GOLGA2: variants seen among roughly 807,000 people sequenced by gnomAD.
GOLGA2 encodes golgin A2, also known as golgin subfamily A member 2.
In GOLGA2, 49 loss-of-function variants were observed where a neutral mutation model predicts 148.8. That is an observed-to-expected ratio of 0.33 (90% CI 0.26 to 0.42). The LOEUF is 0.42. GOLGA2 is among the 10% of genes least tolerant of loss of function. The probability of loss-of-function intolerance (pLI) is 1.00; values close to 1 mark genes in which losing one functional copy is unlikely to be tolerated. For missense variants in GOLGA2, 1,178 were observed against 1,304.6 expected, an observed-to-expected ratio of 0.90 and a Z score of 1.49; for synonymous variants, 501 against 511.8, an observed-to-expected ratio of 0.98 and a Z score of 0.28.
Position 128,257,994 on chromosome 9 carries a change from T to G in GOLGA2, c.2494A>C (p.Met832Leu). 1 of 1,486,526 alleles carries G rather than the reference T, an allele frequency of 6.7e-7. No homozygotes were observed. The highest frequency in any genetic ancestry group is 9.2e-7 in the Non-Finnish European group (1 of 1,088,670). 92.1% of individuals were successfully genotyped at this position (1,486,526 alleles called of 1,614,324 possible). ...GACTCATTCACCTGCAGCTTCTCCA[T>G]GGCCCCCTGCAGGGCCCGGTGGGTC... ...GETHRALQGA[M>L]EKLQSRFMEL... Residue 832 changes from methionine (M) to leucine (L), a missense_variant, in exon 23 of 27, where the codon ATG becomes CTG. By Grantham distance (15) the Met-to-Leu change is conservative. Around this residue, in one of 5 missense-constraint regions of GOLGA2, gnomAD observed 529 missense variants for 521.8 expected, o/e 1.01. Coordinates refer to ENST00000611957, the MANE Select transcript of GOLGA2 (RefSeq NM_001366244.2). The surrounding 1 kb of genome is among the most constrained non-coding windows in gnomAD (Gnocchi z 8.0).
chr9:128,274,008 T>C, intron 1 of GOLGA2, 36 bp from the exon 2 acceptor site: 1 of 1,599,276 alleles, frequency 6.3e-7, no homozygotes, highest in Non-Finnish European at 8.6e-7. Context: ...TCATGAGATC[T>C]ACAAGCCCCC....
rs552775455 is a variant in GOLGA2 at position 128,260,445 on chromosome 9, C to T, written c.1758+20G>A. On this transcript the variant is annotated intron_variant, in intron 18 of 26. Coordinates refer to ENST00000611957, the MANE Select transcript of GOLGA2 (RefSeq NM_001366244.2). This position sits in a 1 kb window ranked among gnomAD's most constrained non-coding sequence, Gnocchi z 4.8. ...GGAGGGCTAGGGAGGAGGGCGGGCT[C>T]TCCAGGTGGGGCAGCGCACCAGCTT... is the stretch of plus-strand genomic sequence containing the variant. 5.5e-5 allele frequency: 88 copies of T among 1,591,686 alleles called. No homozygotes were observed. In the Admixed American group the frequency reaches 1.4e-3, roughly 25 times the overall value.
intron 3 of GOLGA2, 47 bp from the exon 4 acceptor site, chr9:128,268,571 G>A (rs1157925789): frequency 2.0e-5 from 20 of 985,256 alleles, no homozygotes; most frequent in Non-Finnish European, 3.2e-5. Context: ...CGGGAGAGGT[G>A]CCTCAGTACT....
intron 3 of GOLGA2, among the ~76,000 whole-genome samples, chr9:128,270,825 C>A (rs1830895169): frequency 6.6e-6 from 1 of 152,116 alleles, no homozygotes; most frequent in Non-Finnish European, 1.5e-5. Context: ...GCAGGTGAAT[C>A]ACTTGAGGCC....
At position 128,257,279 on chromosome 9, in the gene GOLGA2, G is replaced by T; in HGVS notation, c.2878C>A (p.Leu960Ile). ...ELGAANQQGD[L>I]CEVSLAGSVE... ...CTGCCGGCGAGGCTCACCTCGCAAA[G>T]ATCTTTGGAGAGAGAGAGGCAGGGC... Residue 960 changes from leucine (L) to isoleucine (I), a missense_variant and splice_region_variant, in exon 27 of 27, where the codon CTT (leucine) becomes ATT (isoleucine). Leu to Ile is a conservative substitution (Grantham distance 5). Around this residue, in one of 5 missense-constraint regions of GOLGA2, gnomAD observed 149 missense variants for 154.9 expected, o/e 0.96. Coordinates refer to ENST00000611957, the MANE Select transcript of GOLGA2 (RefSeq NM_001366244.2). The surrounding 1 kb of genome is among the most constrained non-coding windows in gnomAD (Gnocchi z 8.0). The T allele has an allele frequency of 1.2e-6, 2 of 1,612,824 alleles. No homozygotes were observed. Among genetic ancestry groups the T allele is most frequent in the Non-Finnish European group, 1.7e-6 (2 of 1,179,710 alleles).
At position 128,257,451 on chromosome 9, in the gene GOLGA2, C is replaced by T; in HGVS notation, c.2793G>A (p.Leu931=). 6.2e-7 allele frequency: 1 copy of T among 1,613,070 alleles called. No individual in the cohort carries two copies. The highest frequency in any genetic ancestry group is 8.5e-7 in the Non-Finnish European group (1 of 1,180,004). The change falls in exon 26 of 27, where the codon CTG becomes CTA. Residue 931 remains leucine, a synonymous_variant. Transcript: ENST00000611957. This position sits in a 1 kb window ranked among gnomAD's most constrained non-coding sequence, Gnocchi z 8.0. ...CATCAGCAGGGTTCTGGGCAGCTGC[C>T]AGGAATCTGCCATGCCACTCGTTGC... ...GDRNEWHGRF[L]AAAQNPADEP...
chr9:128,269,012 C>T (rs949569865), intron 3 of GOLGA2, among the ~76,000 whole-genome samples: 9 of 152,186 alleles, frequency 5.9e-5, no homozygotes, highest in Non-Finnish European at 1.2e-4. Context: ...TCCCTTCTCC[C>T]CTGCAGTGGC....
In GOLGA2 at chr9:128,261,444, C is replaced by T. The variant is rs1401624431; in HGVS notation, c.1332+10G>A. The T allele has an allele frequency of 6.7e-7, 1 of 1,498,744 alleles. No homozygotes were observed. Among genetic ancestry groups the T allele is most frequent in the Non-Finnish European group, 9.3e-7 (1 of 1,074,554 alleles). 92.8% of individuals were successfully genotyped at this position (1,498,744 alleles called of 1,614,324 possible). A position where few individuals can be genotyped will look rare whatever the true frequency, so the allele number is the denominator to read the frequency against. On this transcript the variant is annotated intron_variant, in intron 16 of 26. Coordinates refer to ENST00000611957, the MANE Select transcript of GOLGA2 (RefSeq NM_001366244.2). This position sits in a 1 kb window ranked among gnomAD's most constrained non-coding sequence, Gnocchi z 5.7. ...TAAGGTTGAGGGGGAGCTGAAGGGT[C>T]AGGTCTCACCTGCTCTGACATCTGC... is the stretch of plus-strand genomic sequence containing the variant.
chr9:128,275,367 T>C (rs1056871308), intron 1 of GOLGA2: 1 of 1,271,810 alleles, frequency 7.9e-7, no homozygotes, highest in Non-Finnish European at 1.0e-6. Context: ...ATTCCACTCC[T>C]AGGGGGAACA....
In GOLGA2 at chr9:128,256,030, C is replaced by T. The variant is rs1829839021; in HGVS notation, c.*1037G>A. Reference sequence around the variant, plus strand: ...AGGTATGATACAGGGGGCGGCCCTACCCCTGGAATATACAAAATGTTACAC... The same window carrying T: ...AGGTATGATACAGGGGGCGGCCCTATCCCTGGAATATACAAAATGTTACAC... On this transcript the variant is annotated 3_prime_UTR_variant, in exon 27 of 27. Coordinates refer to ENST00000611957, the MANE Select transcript of GOLGA2 (RefSeq NM_001366244.2). 6.6e-6 allele frequency: 1 copy of T among 152,596 alleles called. No homozygotes were observed. Among genetic ancestry groups the T allele is most frequent in the Non-Finnish European group, 1.5e-5 (1 of 68,046 alleles). The allele number at this position is 152,596 out of a possible 1,614,324, so 9.5% of individuals were successfully genotyped here.
chr9:128,270,834 C>G (rs1830895976), intron 3 of GOLGA2, among the ~76,000 whole-genome samples: 1 of 152,006 alleles, frequency 6.6e-6, no homozygotes, highest in Admixed American at 6.6e-5. Context: ...TCACTTGAGG[C>G]CAGGAGTTCG....
chr9:128,270,996 C>T (rs1830909041), intron 3 of GOLGA2, among the ~76,000 whole-genome samples: 1 of 152,056 alleles, frequency 6.6e-6, no homozygotes, highest in African/African-American at 2.4e-5. Flanking sequence ...TTGCAGTGAG[C>T]CAAGATCACA....
In GOLGA2 at chr9:128,262,661, C is replaced by T; in HGVS notation, c.1036G>A (p.Glu346Lys). The T allele has an allele frequency of 6.2e-7, 1 of 1,613,762 alleles. No homozygotes were observed. Among genetic ancestry groups the T allele is most frequent in the Non-Finnish European group, 8.5e-7 (1 of 1,179,670 alleles). ...TCAGTCACTAGGACCCGAAGCTTCT[C>T]TTCCAATTCTGATTTCTCTTGCTTC... ...DLKQEKSELE[E>K]KLRVLVTEKA... Residue 346 changes from glutamate to lysine, a missense_variant, in exon 14 of 27, where the codon GAG (glutamate) becomes AAG (lysine). Around this residue, in one of 5 missense-constraint regions of GOLGA2, gnomAD observed 304 missense variants for 404.1 expected, o/e 0.75. Coordinates refer to ENST00000611957, the MANE Select transcript of GOLGA2 (RefSeq NM_001366244.2).
Position 128,258,394 on chromosome 9 carries a change from G to C in GOLGA2, c.2289+61C>G. ...AAGGCCGGGAAACCAAGAGCAGAAG[G>C]GGGTCTGGGAGGGACCACAGAGGGA... On this transcript the variant is annotated intron_variant, in intron 22 of 26. Coordinates refer to ENST00000611957, the MANE Select transcript of GOLGA2 (RefSeq NM_001366244.2). This position sits in a 1 kb window ranked among gnomAD's most constrained non-coding sequence, Gnocchi z 6.6. The C allele has an allele frequency of 1.4e-6, 2 of 1,430,480 alleles. No individual in the cohort carries two copies. The highest frequency in any genetic ancestry group is 1.7e-5 in the Admixed American group (1 of 59,196). 88.6% of individuals were successfully genotyped at this position (1,430,480 alleles called of 1,614,324 possible).
At chr9:128,264,192 A>G (rs547315090) in intron 12 of GOLGA2, among the ~76,000 whole-genome samples, 1 of 151,418 alleles carries the variant, frequency 6.6e-6, no homozygotes, top group African/African-American at 2.4e-5. Context: ...TAAGGGTGGA[A>G]GGAACAGGGA....
Position 128,256,389 on chromosome 9 carries a change from G to T in GOLGA2, c.*678C>A. On this transcript the variant is annotated 3_prime_UTR_variant, in exon 27 of 27. Coordinates refer to ENST00000611957, the MANE Select transcript of GOLGA2 (RefSeq NM_001366244.2). ...TACTGTAAGAGTAAAGGGATGACTG[G>T]GAAGGGGTGGCAGGCACATGATGGG... The T allele has an allele frequency of 6.6e-6, 1 of 152,464 alleles. No homozygotes were observed. Among genetic ancestry groups the T allele is most frequent in the Non-Finnish European group, 1.5e-5 (1 of 68,160 alleles). 9.4% of individuals were successfully genotyped at this position (152,464 alleles called of 1,614,324 possible).
intron 1 of GOLGA2, among the ~76,000 whole-genome samples, chr9:128,274,335 G>A (rs1000329079): frequency 2.6e-5 from 4 of 152,060 alleles, no homozygotes; most frequent in South Asian, 2.1e-4. Context: ...CACTAATTAC[G>A]GTTCCGAGGG....
chr9:128,262,730 G>A (rs1231849330), intron 13 of GOLGA2, 26 bp from the exon 14 acceptor site: 2 of 1,604,508 alleles, frequency 1.2e-6, no homozygotes, highest in East Asian at 2.2e-5. Context: ...GTAGAGAAAG[G>A]AATGAACGAA....
rs1830246534 is a variant in GOLGA2, at chr9:128,261,134, AC to A, written c.1420+37del. 16 of 1,395,886 alleles carry A rather than the reference AC, an allele frequency of 1.1e-5. No individual in the cohort carries two copies. The East Asian group carries it at 3.7e-4, about 32-fold the overall frequency. 86.5% of individuals were successfully genotyped at this position (1,395,886 alleles called of 1,614,324 possible). A position where few individuals can be genotyped will look rare whatever the true frequency, so the allele number is the denominator to read the frequency against. The stretch of plus-strand genomic sequence containing the variant: ...TAAACCACCCCCACAACCCTCTGAC[AC>A]CATTCCTGCTCCCAGGTCACCCCAG... On this transcript the variant is annotated intron_variant, in intron 17 of 26. Coordinates refer to ENST00000611957, the MANE Select transcript of GOLGA2 (RefSeq NM_001366244.2). The surrounding 1 kb of genome is among the most constrained non-coding windows in gnomAD (Gnocchi z 5.7).
Sources: allele counts gnomAD v4.1 joint callset (sites outside exome capture counted in the v4.1 genomes callset), GRCh38; gene constraint gnomAD v4.1.1; regional missense constraint gnomAD v4.1.1; non-coding constraint Gnocchi (gnomAD v3.1); transcripts MANE v1.5; gene names NCBI Gene and HGNC (gene_info 2026-07-23, HGNC 2026-07-21).